Variants in MYO15A observed in about 807,000 individuals in gnomAD.
MYO15A encodes unconventional myosin-XV.
In MYO15A, 308 loss-of-function variants were observed where a neutral mutation model predicts 394.6. The observed-to-expected ratio is 0.78, with a 90% CI of 0.71 to 0.86. The LOEUF (loss-of-function observed/expected upper bound fraction) is 0.86. Among genes scored for constraint, MYO15A ranks in the 40% least tolerant of loss-of-function variants. The probability of loss-of-function intolerance (pLI) is 0.00; values close to 1 mark genes in which losing one functional copy is unlikely to be tolerated. For synonymous variants in MYO15A, 1,957 were observed against 2,003.8 expected (o/e 0.98, Z 0.62); for missense variants, 4,606 against 4,799.1 (o/e 0.96, Z 1.19).
intron 57 of MYO15A, among the ~76,000 whole-genome samples, chr17:18,162,315 T>C (rs1303336912): frequency 3.9e-5 from 6 of 152,042 alleles, no homozygotes; most frequent in Non-Finnish European, 8.8e-5. Flanking sequence ...TTTCCAGGCG[T>C]ATAGGTTGCC....
At position 18,158,920 on chromosome 17, in the gene MYO15A, T is replaced by A; in HGVS notation, c.9084-5T>A. 6.2e-7 allele frequency: 1 copy of A among 1,614,136 alleles called. No individual in the cohort carries two copies. Among genetic ancestry groups the A allele is most frequent in the Non-Finnish European group, 8.5e-7 (1 of 1,179,982 alleles). On this transcript the variant is annotated splice_region_variant and splice_polypyrimidine_tract_variant and intron_variant, in intron 52 of 65. Transcript: ENST00000647165. Reference sequence around the variant, plus strand: ...CAGGTCAGTAGCACCCACCTCCCACTGCAGGGATGGCCTCAGGCTGAAATC... The same window carrying A: ...CAGGTCAGTAGCACCCACCTCCCACAGCAGGGATGGCCTCAGGCTGAAATC...
chr17:18,162,631 C>T lies in MYO15A; in HGVS notation c.9564C>T (p.Phe3188=), dbSNP rs369077778. The change falls in exon 58 of 66, where the codon TTC becomes TTT. Residue 3188 remains phenylalanine, a synonymous_variant. Coordinates refer to ENST00000647165, the MANE Select transcript of MYO15A (RefSeq NM_016239.4). ...CEQNLQKTLR[F]GGRLELPSSI... Reference sequence around the variant, plus strand: ...AGAACCTGCAGAAAACCTTGCGCTTCGGAGGTCGTCTGGAGCTCCCCAGCA... The same window carrying T: ...AGAACCTGCAGAAAACCTTGCGCTTTGGAGGTCGTCTGGAGCTCCCCAGCA... The T allele has an allele frequency of 1.9e-5, 31 of 1,613,926 alleles. No individual in the cohort carries two copies. Among genetic ancestry groups the T allele is most frequent in the African/African-American group, 6.7e-5 (5 of 74,908 alleles).
At chr17:18,124,725 G>A in intron 3 of MYO15A, 160 bp downstream of exon 3, 2 of 708,912 alleles carry the variant, frequency 2.8e-6, no homozygotes, top group South Asian at 1.8e-5. Flanking sequence ...TGCTTTGTGA[G>A]TTAGACGGAC....
At chr17:18,162,764 C>T in intron 58 of MYO15A, 85 bp downstream of exon 58, 4 of 1,402,446 alleles carry the variant, frequency 2.9e-6, no homozygotes, top group Non-Finnish European at 4.0e-6. Context: ...CTTTGGGAGG[C>T]TGAGGCGGGC....
intron 62 of MYO15A, 135 bp downstream of exon 62, chr17:18,167,858 G>A: frequency 1.4e-6 from 2 of 1,401,050 alleles, no homozygotes; most frequent in Non-Finnish European, 1.9e-6. Context: ...TATCTGGGAA[G>A]GGGCTGTCCT....
chr17:18,120,668 G>T lies in MYO15A; in HGVS notation c.1868G>T (p.Gly623Val), dbSNP rs1206025615. The T allele has an allele frequency of 1.3e-6, 2 of 1,585,526 alleles. No individual in the cohort carries two copies. The highest frequency in any genetic ancestry group is 1.7e-6 in the Non-Finnish European group (2 of 1,171,036). Reference protein sequence around the residue: ...KLAGMDPEKPGTPIVLRRAQP... With the variant: ...KLAGMDPEKPVTPIVLRRAQP... ...GCTGGCATGGACCCCGAGAAGCCCG[G>T]CACGCCCATCGTGCTGAGGAGGGCC... Residue 623 changes from glycine (G) to valine (V), a missense_variant, in exon 2 of 66, where the codon GGC (glycine) becomes GTC (valine). Gly to Val is a moderately radical substitution (Grantham distance 109). This residue lies in a region of MYO15A where 1,830 missense variants were observed against 1,689.7 expected (regional missense o/e 1.08). Transcript: ENST00000647165.
At chr17:18,154,094 C>T (rs764637286) in intron 43 of MYO15A, 37 bp from the exon 44 acceptor site, 30 of 1,612,374 alleles carry the variant, frequency 1.9e-5, no homozygotes, top group Non-Finnish European at 2.4e-5. Flanking sequence ...GGCCAGGGGG[C>T]AGTCGGACAG....
In MYO15A at chr17:18,141,148, C is replaced by A. The variant is rs1392003350; in HGVS notation, c.5531+5C>A. ...TTTCCAGGGGTTCATCGACAGGTAT[C>A]TTGGTTACGGTAGTTCCTGAGCTCT... On this transcript the variant is annotated splice_donor_5th_base_variant and intron_variant, in intron 22 of 65. Transcript: ENST00000647165. The A allele has an allele frequency of 6.2e-7, 1 of 1,613,510 alleles. No individual in the cohort carries two copies.
chr17:18,171,881 T>C, intron 63 of MYO15A, 110 bp downstream of exon 63: 1 of 1,479,788 alleles, frequency 6.8e-7, no homozygotes, highest in Non-Finnish European at 9.0e-7. Context: ...CATTTTTCAG[T>C]GCCAGTCAAG....
At chr17:18,178,701 T>C in intron 65 of MYO15A, 68 bp from the exon 66 acceptor site, 1 of 1,477,810 alleles carries the variant, frequency 6.8e-7, no homozygotes, top group South Asian at 1.1e-5. Flanking sequence ...CTCCATTCTG[T>C]ACTTCCCACC....
chr17:18,129,099 C>T (rs559976473), intron 7 of MYO15A, among the ~76,000 whole-genome samples: 2 of 152,348 alleles, frequency 1.3e-5, no homozygotes, highest in Admixed American at 6.5e-5. Context: ...TCCTATTGGT[C>T]AGCAAGCTGG....
chr17:18,144,246 C>T (rs1287831162), intron 28 of MYO15A, among the ~76,000 whole-genome samples: 2 of 152,246 alleles, frequency 1.3e-5, no homozygotes, highest in Non-Finnish European at 2.9e-5. Context: ...AATTGAACAA[C>T]TGGTGGAGCC....
intron 3 of MYO15A, 77 bp from the exon 4 acceptor site, chr17:18,125,091 T>C (rs1347023030): frequency 2.9e-6 from 4 of 1,363,120 alleles, no homozygotes; most frequent in Non-Finnish European, 4.2e-6. Flanking sequence ...ATCAAGGCAC[T>C]GCACTGAGTT....
intron 52 of MYO15A, 95 bp from the exon 53 acceptor site, chr17:18,158,830 C>A: frequency 1.3e-6 from 2 of 1,488,006 alleles, no homozygotes; most frequent in South Asian, 2.3e-5. Flanking sequence ...AGTGGTGGGT[C>A]AAGAACCCCC....
In MYO15A at chr17:18,136,461, C is replaced by G; in HGVS notation, c.4641C>G (p.Ser1547Arg). 3.1e-6 allele frequency: 5 copies of G among 1,613,790 alleles called. No homozygotes were observed. Among genetic ancestry groups the G allele is most frequent in the Non-Finnish European group, 3.4e-6 (4 of 1,180,030 alleles). The change falls in exon 14 of 66, where the codon AGC becomes AGG. Residue 1547 changes from serine (S) to arginine (R), a missense_variant. This residue lies in a region of MYO15A where 2,776 missense variants were observed against 3,109.3 expected (regional missense o/e 0.89). Coordinates refer to ENST00000647165, the MANE Select transcript of MYO15A (RefSeq NM_016239.4). Reference protein sequence around the residue: ...EKIFTPLTVESAVDARDAIAK... With the variant: ...EKIFTPLTVERAVDARDAIAK... ...TCTTCACGCCCCTAACTGTGGAGAG[C>G]GCTGTGGATGCCAGGTGAGGCCACG...
Position 18,119,606 on chromosome 17 carries a change from C to T in MYO15A, c.806C>T (p.Pro269Leu), listed in dbSNP as rs375005419. Residue 269 changes from proline (P) to leucine (L), a missense_variant, in exon 2 of 66, where the codon CCG becomes CTG. Around this residue, in one of 2 missense-constraint regions of MYO15A, gnomAD observed 1,830 missense variants for 1,689.7 expected, o/e 1.08. Coordinates refer to ENST00000647165, the MANE Select transcript of MYO15A (RefSeq NM_016239.4). ...CTGGCGGGCCTCGGCCCCTACAGCC[C>T]GGCCTGGCCACCCTACGGCGACCAC... ...PYLAGLGPYS[P>L]AWPPYGDHYY... The T allele has an allele frequency of 6.5e-5, 105 of 1,603,776 alleles. No individual in the cohort carries two copies. The highest frequency in any genetic ancestry group is 8.5e-5 in the Non-Finnish European group (100 of 1,179,934).
At position 18,132,557 on chromosome 17, in the gene MYO15A, T is replaced by C. The variant is rs757905623; in HGVS notation, c.4311T>C (p.Tyr1437=). The change falls in exon 11 of 66, where the codon TAT becomes TAC. Residue 1437 remains tyrosine (Y), a synonymous_variant. Coordinates refer to ENST00000647165, the MANE Select transcript of MYO15A (RefSeq NM_016239.4). This position sits in a 1 kb window ranked among gnomAD's most constrained non-coding sequence, Gnocchi z 4.6. ...FSLQEAETYY[Y]LNQGGNCEIA... ...TGCAAGAGGCTGAGACCTACTACTA[T>C]CTGAACCAGGTGAGTGCCAGCAGGC... The C allele has an allele frequency of 1.9e-5, 30 of 1,611,224 alleles. No individual in the cohort carries two copies. Among genetic ancestry groups the C allele is most frequent in the Non-Finnish European group, 2.5e-5 (30 of 1,179,960 alleles).
intron 21 of MYO15A, 68 bp downstream of exon 21, chr17:18,140,900 T>G: frequency 6.2e-7 from 1 of 1,612,586 alleles, no homozygotes; most frequent in Non-Finnish European, 8.5e-7. Context: ...CTTGGGCAAG[T>G]GGCTTGGCCT....
rs1473604470 is a variant in MYO15A at position 18,162,618 on chromosome 17, A to G, written c.9551A>G (p.Lys3184Arg). The stretch of plus-strand genomic sequence containing the variant: ...AAGGCCTGCGAGCAGAACCTGCAGA[A>G]AACCTTGCGCTTCGGAGGTCGTCTG... Reference protein sequence around the residue: ...IAKACEQNLQKTLRFGGRLEL... With the variant: ...IAKACEQNLQRTLRFGGRLEL... Residue 3184 changes from lysine (K) to arginine (R), a missense_variant, in exon 58 of 66, where the codon AAA (lysine) becomes AGA (arginine). This residue lies in a region of MYO15A where 2,776 missense variants were observed against 3,109.3 expected (regional missense o/e 0.89). Transcript: ENST00000647165. 1 of 1,614,108 alleles carries G rather than the reference A, an allele frequency of 6.2e-7. No individual in the cohort carries two copies.
Sources: allele counts gnomAD v4.1 joint callset (sites outside exome capture counted in the v4.1 genomes callset), GRCh38; gene constraint gnomAD v4.1.1; regional missense constraint gnomAD v4.1.1; non-coding constraint Gnocchi (gnomAD v3.1); transcripts MANE v1.5; gene names NCBI Gene and HGNC (gene_info 2026-07-23, HGNC 2026-07-21).